ARFGAP3: variants seen among roughly 807,000 people sequenced by gnomAD.
The protein encoded by ARFGAP3 is ADP-ribosylation factor GTPase-activating protein 3.
Under a neutral mutation model 75.0 loss-of-function variants are expected in ARFGAP3, and 72 were observed. That is an observed-to-expected ratio of 0.96 (90% CI 0.79 to 1.17). The LOEUF (loss-of-function observed/expected upper bound fraction) is 1.17. Ranked by LOEUF, ARFGAP3 falls within the 50% of genes most tolerant of loss-of-function variation. The pLI, the probability that ARFGAP3 is intolerant of heterozygous loss-of-function variation, is 0.00. For missense variants in ARFGAP3, 620 were observed against 626.6 expected, an observed-to-expected ratio of 0.99 and a Z score of 0.11; for synonymous variants, 221 against 217.9, an observed-to-expected ratio of 1.01 and a Z score of -0.13.
At chr22:42,841,865 CTTTTT>C (rs5845565) in intron 2 of ARFGAP3, among the ~76,000 whole-genome samples, 1 of 137,758 alleles carries the variant, frequency 7.3e-6, no homozygotes, top group Non-Finnish European at 1.6e-5. Flanking sequence ...TTACTAATTT[CTTTTT>C]TTTTTTTTTT....
intron 3 of ARFGAP3, 114 bp from the exon 4 acceptor site, chr22:42,835,607 G>A (rs1926487812): frequency 2.5e-6 from 3 of 1,203,162 alleles, no homozygotes; most frequent in Non-Finnish European, 3.5e-6. Flanking sequence ...AGATCACGAG[G>A]TCGGGAGATC....
At chr22:42,815,491 T>C (rs1925538317) in intron 11 of ARFGAP3, among the ~76,000 whole-genome samples, 1 of 152,080 alleles carries the variant, frequency 6.6e-6, no homozygotes, top group African/African-American at 2.4e-5. Flanking sequence ...AAGGATAGTA[T>C]TCTTTATACA....
At chr22:42,807,365 G>T in intron 13 of ARFGAP3, 1 of 641,166 alleles carries the variant, frequency 1.6e-6, no homozygotes, top group Non-Finnish European at 1.9e-6. Flanking sequence ...GTCACAGGCA[G>T]ACTGATCAAC....
intron 6 of ARFGAP3, among the ~76,000 whole-genome samples, chr22:42,830,410 T>C (rs888072688): frequency 6.6e-6 from 1 of 152,168 alleles, no homozygotes; most frequent in Admixed American, 6.5e-5. Flanking sequence ...TGCCAGAAAT[T>C]TTCTCAATAC....
rs376415793 is a variant in ARFGAP3, at chr22:42,829,598, G to A, written c.565+1951C>T. On this transcript the variant is annotated intron_variant, in intron 6 of 15. Coordinates refer to ENST00000263245, the MANE Select transcript of ARFGAP3 (RefSeq NM_014570.5). ...TCATCCACAAAACAACCACATCAGA[G>A]TTCTTTGCATAGTAAGGAAACAAGC... Among the ~76,000 whole-genome samples the A allele has an allele frequency of 3.6e-4, 55 of 152,170 alleles. 1 individual carries two copies. The East Asian group carries it at 0.01, about 29-fold the overall frequency.
intron 9 of ARFGAP3, among the ~76,000 whole-genome samples, chr22:42,820,536 A>G (rs184640331): frequency 1.1e-4 from 16 of 152,326 alleles, no homozygotes; most frequent in African/African-American, 3.8e-4. Flanking sequence ...TGTTTGATGC[A>G]CTTCAATGAG....
intron 6 of ARFGAP3, 183 bp from the exon 7 acceptor site, chr22:42,827,182 T>C (rs1926079278): frequency 1.4e-6 from 1 of 711,846 alleles, no homozygotes; most frequent in Non-Finnish European, 1.7e-6. Flanking sequence ...TCCATTAAAG[T>C]AGAAGTTTAT....
At chr22:42,842,533 T>C (rs1926832683) in intron 2 of ARFGAP3, among the ~76,000 whole-genome samples, 1 of 151,702 alleles carries the variant, frequency 6.6e-6, no homozygotes, top group South Asian at 2.1e-4. Context: ...TGGTAATCTC[T>C]GCCTTCTGGA....
At chr22:42,833,082 C>G (rs1443479336) in intron 5 of ARFGAP3, among the ~76,000 whole-genome samples, 2 of 151,848 alleles carry the variant, frequency 1.3e-5, no homozygotes, top group Admixed American at 6.6e-5. Context: ...TCTAAGTGAT[C>G]TGAGGAGAGG....
chr22:42,847,421 G>T, intron 2 of ARFGAP3, 93 bp downstream of exon 2: 2 of 1,124,252 alleles, frequency 1.8e-6, no homozygotes, highest in African/African-American at 1.6e-5. Flanking sequence ...GACAAGGCAA[G>T]ACACTGTCTC....
intron 9 of ARFGAP3, among the ~76,000 whole-genome samples, chr22:42,820,377 T>G (rs1204767246): frequency 2.0e-5 from 3 of 152,214 alleles, no homozygotes; most frequent in Non-Finnish European, 2.9e-5. Flanking sequence ...CCCTATGTTC[T>G]GTGAATTAAA....
rs1224102282 is a variant in ARFGAP3, at chr22:42,808,848, AT to A, written c.1238del (p.Asn413IlefsTer35). The A allele has an allele frequency of 3.7e-6, 6 of 1,613,464 alleles. No individual in the cohort carries two copies. Among genetic ancestry groups the A allele is most frequent in the African/African-American group, 1.3e-5 (1 of 75,026 alleles). On this transcript the variant is annotated frameshift_variant, in exon 13 of 16. Coordinates refer to ENST00000263245, the MANE Select transcript of ARFGAP3 (RefSeq NM_014570.5). LOFTEE classifies it high-confidence loss of function. ...RRKPDYEPVENTDEAQKKFGN... is the reference protein window; with the variant it reads ...RRKPDYEPVEXTDEAQKKFGN... ...CAAACTTCTTCTGGGCCTCATCTGT[AT>A]TTTCAACTGGCTCATAATCTGGCTT...
intron 7 of ARFGAP3, among the ~76,000 whole-genome samples, chr22:42,825,221 C>A (rs1245026195): frequency 6.6e-6 from 1 of 152,058 alleles, no homozygotes; most frequent in Non-Finnish European, 1.5e-5. Flanking sequence ...ACCCACTGCA[C>A]TCCAGCATGG....
chr22:42,835,331 A>G (rs745465250), intron 4 of ARFGAP3, 31 bp downstream of exon 4: 2 of 1,608,652 alleles, frequency 1.2e-6, no homozygotes, highest in South Asian at 1.1e-5. Context: ...ACATGTATCT[A>G]AAGGAAACAA....
At chr22:42,825,106 CA>C (rs1403713838) in intron 7 of ARFGAP3, among the ~76,000 whole-genome samples, 1 of 152,042 alleles carries the variant, frequency 6.6e-6, no homozygotes, top group Non-Finnish European at 1.5e-5. Context: ...AACAAACAAA[CA>C]AAAAACATTA....
At position 42,841,025 on chromosome 22, in the gene ARFGAP3, A is replaced by G; in HGVS notation, c.189-9T>C. 1 of 1,613,038 alleles carries G rather than the reference A, an allele frequency of 6.2e-7. No individual in the cohort carries two copies. Among genetic ancestry groups the G allele is most frequent in the Non-Finnish European group, 8.5e-7 (1 of 1,179,630 alleles). Reference sequence around the variant, plus strand: ...AATCCAACTCTGTAGATCTAAATGGAAAGAATATTACTAACTGTTAATATT... The same window carrying G: ...AATCCAACTCTGTAGATCTAAATGGGAAGAATATTACTAACTGTTAATATT... On this transcript the variant is annotated splice_polypyrimidine_tract_variant and intron_variant, in intron 2 of 15. Coordinates refer to ENST00000263245, the MANE Select transcript of ARFGAP3 (RefSeq NM_014570.5).
At chr22:42,798,963 A>C in intron 15 of ARFGAP3, 76 bp downstream of exon 15, 1 of 1,215,188 alleles carries the variant, frequency 8.2e-7, no homozygotes, top group South Asian at 1.2e-5. Context: ...CCAGCAGTTG[A>C]AGATTGAAGC....
chr22:42,824,764 T>C (rs1925966511), intron 7 of ARFGAP3, among the ~76,000 whole-genome samples: 1 of 152,272 alleles, frequency 6.6e-6, no homozygotes, highest in East Asian at 1.9e-4. Flanking sequence ...GTGCTGAGGT[T>C]TGGGCTTCTC....
intron 2 of ARFGAP3, among the ~76,000 whole-genome samples, chr22:42,845,273 C>T (rs1231710882): frequency 6.7e-6 from 1 of 149,018 alleles, no homozygotes; most frequent in Non-Finnish European, 1.5e-5. Flanking sequence ...CGGGGTAATC[C>T]CAGCACTTTG....
Sources: allele counts gnomAD v4.1 joint callset (sites outside exome capture counted in the v4.1 genomes callset), GRCh38; gene constraint gnomAD v4.1.1; transcripts MANE v1.5; gene names NCBI Gene and HGNC (gene_info 2026-07-23, HGNC 2026-07-21).